The following SMYD3 variants were observed in gnomAD, a reference collection of about 807,000 sequenced individuals.
SMYD3 encodes the protein histone-lysine N-methyltransferase SMYD3.
A neutral mutation model predicts 57.7 loss-of-function variants in SMYD3; 36 were observed. That is an observed-to-expected ratio of 0.62 (90% CI 0.48 to 0.82). The LOEUF is 0.82. Ranked by LOEUF, SMYD3 falls within the 40% of genes least tolerant of loss-of-function variation. The probability of loss-of-function intolerance (pLI) is 0.00; values close to 1 mark genes in which losing one functional copy is unlikely to be tolerated. For synonymous variants in SMYD3, 211 were observed against 195.0 expected (o/e 1.08, Z -0.68); for missense variants, 515 against 538.8 (o/e 0.96, Z 0.44).
rs530097751 is a variant in SMYD3 at position 246,171,862 on chromosome 1, T to C, written c.531+155339A>G. 3.9e-5 allele frequency among the ~76,000 whole-genome samples: 6 copies of C among 152,180 alleles called. No homozygotes were observed. In the South Asian group the frequency reaches 1.2e-3, roughly 32 times the overall value. ...CTCAACTCTAGAAAAACTTAAAAAA[T>C]TAACCCAGCATGTTGGCAAACATCT... On this transcript the variant is annotated intron_variant, in intron 5 of 11. Coordinates refer to ENST00000490107, the MANE Select transcript of SMYD3 (RefSeq NM_001167740.2).
In SMYD3 at chr1:246,397,901, T is replaced by A. The variant is rs187851038; in HGVS notation, c.165-42807A>T. ...GGCCTCTGGGGTGGGGGCACAAGAC[T>A]GGTTGAGTCATAAAAAAAAAAAAAG... On this transcript the variant is annotated intron_variant, in intron 1 of 11. Transcript: ENST00000490107. Among the ~76,000 whole-genome samples the A allele has an allele frequency of 7.4e-5, 7 of 95,022 alleles. No homozygotes were observed. The East Asian group carries it at 2.1e-3, about 28-fold the overall frequency. The allele number at this position is 95,022 out of a possible 152,430, so 62.3% of individuals were successfully genotyped here.
chr1:246,336,589 A>T (rs2065547997), intron 2 of SMYD3, among the ~76,000 whole-genome samples: 1 of 152,210 alleles, frequency 6.6e-6, no homozygotes, highest in Non-Finnish European at 1.5e-5. Context: ...TATTAAAATT[A>T]TGGAAGGGGG....
chr1:246,488,144 C>T (rs927620628), intron 1 of SMYD3, among the ~76,000 whole-genome samples: 3 of 152,040 alleles, frequency 2.0e-5, no homozygotes, highest in African/African-American at 7.2e-5. Context: ...GATCTGTGAC[C>T]GAAAAATTAT....
chr1:246,033,808 A>T (rs2059721280), intron 5 of SMYD3, among the ~76,000 whole-genome samples: 1 of 152,308 alleles, frequency 6.6e-6, no homozygotes, highest in Non-Finnish European at 1.5e-5. Context: ...TTAATTAATT[A>T]AAAAATAAAT....
intron 10 of SMYD3, among the ~76,000 whole-genome samples, chr1:245,835,997 C>T (rs2050089502): frequency 6.6e-6 from 1 of 152,154 alleles, no homozygotes. Flanking sequence ...CGAGAGACAA[C>T]AAAGGCTCAT....
intron 8 of SMYD3, among the ~76,000 whole-genome samples, chr1:245,913,174 A>G (rs1198691477): frequency 2.6e-5 from 4 of 152,140 alleles, no homozygotes; most frequent in Non-Finnish European, 5.9e-5. Context: ...ATGGAATACT[A>G]TGCAGCCATA....
intron 9 of SMYD3, among the ~76,000 whole-genome samples, chr1:245,860,616 G>A (rs1309730543): frequency 6.6e-6 from 1 of 152,198 alleles, no homozygotes; most frequent in Non-Finnish European, 1.5e-5. Context: ...CGTCTTGGAG[G>A]AATTGACCCT....
chr1:246,109,483 AAAAT>A (rs1439266781), intron 5 of SMYD3, among the ~76,000 whole-genome samples: 1 of 152,236 alleles, frequency 6.6e-6, no homozygotes, highest in Non-Finnish European at 1.5e-5. Flanking sequence ...AATTTAAGGG[AAAAT>A]AAATAAATAT....
At chr1:246,028,004 A>AG (rs1307410655) in intron 5 of SMYD3, among the ~76,000 whole-genome samples, 2 of 152,198 alleles carry the variant, frequency 1.3e-5, no homozygotes, top group Non-Finnish European at 2.9e-5. Context: ...GATGACTTTG[A>AG]GGGGGTCAAA....
At chr1:245,923,449 G>A (rs1358561516) in intron 7 of SMYD3, among the ~76,000 whole-genome samples, 1 of 152,180 alleles carries the variant, frequency 6.6e-6, no homozygotes, top group Non-Finnish European at 1.5e-5. Context: ...CAAGGTCTGT[G>A]ATAAGGCTCC....
At chr1:246,494,557 C>T (rs1056116431) in intron 1 of SMYD3, among the ~76,000 whole-genome samples, 1 of 152,154 alleles carries the variant, frequency 6.6e-6, no homozygotes, top group South Asian at 2.1e-4. Context: ...TAAGTTTTCA[C>T]CACTAAAACT....
chr1:245,878,425 G>A (rs971921912), intron 8 of SMYD3, among the ~76,000 whole-genome samples: 4 of 152,182 alleles, frequency 2.6e-5, no homozygotes, highest in Non-Finnish European at 4.4e-5. Context: ...TGGTAGAAGC[G>A]GGTGGTGGGG....
At chr1:246,459,477 T>A (rs1572519097) in intron 1 of SMYD3, among the ~76,000 whole-genome samples, 2 of 150,804 alleles carry the variant, frequency 1.3e-5, no homozygotes, top group Middle Eastern at 7.0e-3. Context: ...ATTCTCGCAA[T>A]AAGAGTTCTC....
intron 10 of SMYD3, among the ~76,000 whole-genome samples, chr1:245,788,337 G>T (rs192623475): frequency 1.3e-5 from 2 of 152,226 alleles, no homozygotes; most frequent in African/African-American, 4.8e-5. Flanking sequence ...ATGAAGCATT[G>T]CTTCTACTTT....
intron 5 of SMYD3, among the ~76,000 whole-genome samples, chr1:246,073,890 G>A (rs1271145330): frequency 6.6e-6 from 1 of 152,006 alleles, no homozygotes; most frequent in Non-Finnish European, 1.5e-5. Flanking sequence ...CTCCATTCTG[G>A]CGCAACCATA....
chr1:245,837,527 G>T (rs137988247), intron 10 of SMYD3, among the ~76,000 whole-genome samples: 14 of 152,114 alleles, frequency 9.2e-5, no homozygotes, highest in African/African-American at 1.2e-4. Flanking sequence ...ATGAGGGCAC[G>T]TACACGAGGG....
chr1:245,988,176 C>T (rs1024043593), intron 5 of SMYD3, among the ~76,000 whole-genome samples: 2 of 152,018 alleles, frequency 1.3e-5, no homozygotes, highest in African/African-American at 4.8e-5. Flanking sequence ...CACAGGGCTA[C>T]ACAAGCCTCC....
At position 245,775,521 on chromosome 1, in the gene SMYD3, G is replaced by A. The variant is rs574306255; in HGVS notation, c.1077-11372C>T. ...ACAGATGCTTGAAGGCAGCAGGCTC[G>A]TTAAGAGTCATCACCACTCCCTAAT... On this transcript the variant is annotated intron_variant, in intron 10 of 11. Coordinates refer to ENST00000490107, the MANE Select transcript of SMYD3 (RefSeq NM_001167740.2). Among the ~76,000 whole-genome samples, 28 of 150,828 alleles carry A rather than the reference G, an allele frequency of 1.9e-4. No homozygotes were observed. The South Asian group carries it at 2.1e-3, about 12-fold the overall frequency.
chr1:246,176,528 TTTTG>T (rs1235934533), intron 5 of SMYD3, among the ~76,000 whole-genome samples: 1 of 152,134 alleles, frequency 6.6e-6, no homozygotes, highest in Non-Finnish European at 1.5e-5. Flanking sequence ...TTATATAGGC[TTTTG>T]TTTGTTTTGA....
Sources: allele counts gnomAD v4.1 joint callset (sites outside exome capture counted in the v4.1 genomes callset), GRCh38; gene constraint gnomAD v4.1.1; transcripts MANE v1.5; gene names NCBI Gene and HGNC (gene_info 2026-07-23, HGNC 2026-07-21).